Variants in RPS6KA5 observed in about 807,000 individuals in gnomAD.
RPS6KA5 encodes ribosomal protein S6 kinase A5.
In RPS6KA5, 27 loss-of-function variants were observed where a neutral mutation model predicts 85.5. The ratio of observed to expected loss-of-function variants is 0.32; its 90% confidence interval spans 0.23 to 0.44. The LOEUF (loss-of-function observed/expected upper bound fraction) is 0.44, where lower values mean the gene tolerates loss of function less well. Among genes scored for constraint, RPS6KA5 ranks in the 20% least tolerant of loss-of-function variants. RPS6KA5 has a pLI of 1.00. For missense variants in RPS6KA5, 811 were observed against 980.9 expected (o/e 0.83, Z 2.31); for synonymous variants, 334 against 348.2 (o/e 0.96, Z 0.46).
chr14:91,014,070 T>C (rs952551488), intron 1 of RPS6KA5, among the ~76,000 whole-genome samples: 1 of 152,230 alleles, frequency 6.6e-6, no homozygotes, highest in Non-Finnish European at 1.5e-5. Context: ...TTTCCAAATG[T>C]TGTGCATGAA....
At chr14:91,018,223 G>A (rs2041588119) in intron 1 of RPS6KA5, among the ~76,000 whole-genome samples, 1 of 152,184 alleles carries the variant, frequency 6.6e-6, no homozygotes, top group Non-Finnish European at 1.5e-5. Context: ...CAGAAATGGG[G>A]ACTATGGTTG....
chr14:90,858,959 C>T lies in RPS6KA5; in HGVS notation c.*13115G>A, dbSNP rs1355772011. Reference sequence around the variant, plus strand: ...TACAGTATCTCCTTGAGGTGTCTGCCAATTGCAGACTCCTGTGCAACAAGG... The same window carrying T: ...TACAGTATCTCCTTGAGGTGTCTGCTAATTGCAGACTCCTGTGCAACAAGG... On this transcript the variant is annotated 3_prime_UTR_variant, in exon 17 of 17. Coordinates refer to ENST00000614987, the MANE Select transcript of RPS6KA5 (RefSeq NM_004755.4). The T allele has an allele frequency of 1.3e-5, 2 of 152,092 alleles. No homozygotes were observed. Among genetic ancestry groups the T allele is most frequent in the African/African-American group, 4.8e-5 (2 of 41,386 alleles). 9.4% of individuals were successfully genotyped at this position (152,092 alleles called of 1,614,324 possible).
chr14:90,894,359 A>G (rs779119730), intron 13 of RPS6KA5, 54 bp downstream of exon 13: 1 of 1,441,202 alleles, frequency 6.9e-7, no homozygotes, highest in Non-Finnish European at 9.2e-7. Context: ...TGTTTGGGAG[A>G]TCTTTAATAA....
rs1025874102 is a variant in RPS6KA5 at position 90,852,891 on chromosome 14, G to C, written c.*19183C>G. 4 of 152,034 alleles carry C rather than the reference G, an allele frequency of 2.6e-5. No homozygotes were observed. Among genetic ancestry groups the C allele is most frequent in the Non-Finnish European group, 4.4e-5 (3 of 68,194 alleles). The allele number at this position is 152,034 out of a possible 1,614,324, so 9.4% of individuals were successfully genotyped here. On this transcript the variant is annotated 3_prime_UTR_variant, in exon 17 of 17. Coordinates refer to ENST00000614987, the MANE Select transcript of RPS6KA5 (RefSeq NM_004755.4). ...ACTACAGGCGCCTGCCACCACGCCC[G>C]GCTAATTTTTGTTGTATTTTTAGTA...
At chr14:91,037,203 CCAA>C (rs1381499410) in intron 1 of RPS6KA5, among the ~76,000 whole-genome samples, 1 of 152,142 alleles carries the variant, frequency 6.6e-6, no homozygotes, top group African/African-American at 2.4e-5. Context: ...CAACCACAGC[CCAA>C]CAACAGCAAG....
At chr14:90,891,964 T>C (rs1210204845) in intron 13 of RPS6KA5, among the ~76,000 whole-genome samples, 1 of 151,602 alleles carries the variant, frequency 6.6e-6, no homozygotes. Flanking sequence ...TTATTCTATA[T>C]TAAGATTGGA....
At chr14:90,880,617 G>A (rs939610072) in intron 14 of RPS6KA5, among the ~76,000 whole-genome samples, 11 of 151,914 alleles carry the variant, frequency 7.2e-5, no homozygotes, top group Non-Finnish European at 1.3e-4. Context: ...TCTTCTGGCC[G>A]GTTGTTTTAT....
chr14:90,900,139 G>T lies in RPS6KA5; in HGVS notation c.1348C>A (p.Gln450Lys). 1 of 1,601,652 alleles carries T rather than the reference G, an allele frequency of 6.2e-7. No homozygotes were observed. Among genetic ancestry groups the T allele is most frequent in the South Asian group, 1.1e-5 (1 of 88,432 alleles). ...CTGATTATTTTGACTGCAAAAGCTT[G>T]GTTACTTTTTTTATGCACACACTTT... is the stretch of plus-strand genomic sequence containing the variant. ...CRKCVHKKSN[Q>K]AFAVKIISKR... Residue 450 changes from glutamine (Q) to lysine (K), a missense_variant, in exon 11 of 17, where the codon CAA (glutamine) becomes AAA (lysine). This residue lies in a region of RPS6KA5 where 650 missense variants were observed against 793.4 expected (regional missense o/e 0.82). Transcript: ENST00000614987.
intron 5 of RPS6KA5, among the ~76,000 whole-genome samples, chr14:90,929,081 T>A (rs2036832020): frequency 6.6e-6 from 1 of 152,064 alleles, no homozygotes; most frequent in Non-Finnish European, 1.5e-5. Context: ...CATTATGTGG[T>A]TAAAGAGAAA....
chr14:90,924,239 A>T (rs1018805162), intron 5 of RPS6KA5, among the ~76,000 whole-genome samples: 1 of 152,076 alleles, frequency 6.6e-6, no homozygotes, highest in Non-Finnish European at 1.5e-5. Flanking sequence ...CCAGTTCTAA[A>T]CCTATATTTG....
chr14:90,954,757 AT>A (rs2038412752), intron 3 of RPS6KA5, among the ~76,000 whole-genome samples: 1 of 152,076 alleles, frequency 6.6e-6, no homozygotes. Context: ...CAATAGTTCA[AT>A]TTCTTTACTT....
chr14:90,949,664 C>T (rs772985008), intron 3 of RPS6KA5, among the ~76,000 whole-genome samples: 5 of 152,146 alleles, frequency 3.3e-5, no homozygotes, highest in Admixed American at 1.3e-4. Context: ...ACAAACAGGG[C>T]TTTGTAACTG....
intron 1 of RPS6KA5, among the ~76,000 whole-genome samples, chr14:91,011,279 A>T (rs1402041634): frequency 6.6e-6 from 1 of 152,106 alleles, no homozygotes; most frequent in Non-Finnish European, 1.5e-5. Flanking sequence ...CGAGGTCAAG[A>T]GATCGAGACC....
intron 1 of RPS6KA5, among the ~76,000 whole-genome samples, chr14:91,019,031 T>C (rs1339111031): frequency 6.6e-6 from 1 of 152,070 alleles, no homozygotes; most frequent in Non-Finnish European, 1.5e-5. Flanking sequence ...CACCCTCTTC[T>C]AGGGAAAAGG....
chr14:90,861,901 A>G lies in RPS6KA5; in HGVS notation c.*10173T>C, dbSNP rs2140113620. The G allele has an allele frequency of 6.6e-6, 1 of 152,146 alleles. No individual in the cohort carries two copies. The highest frequency in any genetic ancestry group is 1.5e-5 in the Non-Finnish European group (1 of 68,046). The allele number at this position is 152,146 out of a possible 1,614,324, so 9.4% of individuals were successfully genotyped here. On this transcript the variant is annotated 3_prime_UTR_variant, in exon 17 of 17. Coordinates refer to ENST00000614987, the MANE Select transcript of RPS6KA5 (RefSeq NM_004755.4). ...GACAAAGACTCCATCTCAAAAAAAA[A>G]AAAAAAAAAGGGGAAAACAGATTTA...
chr14:90,892,241 A>T (rs2034604487), intron 13 of RPS6KA5, among the ~76,000 whole-genome samples: 1 of 152,028 alleles, frequency 6.6e-6, no homozygotes, highest in Admixed American at 6.6e-5. Context: ...TCCTCAAGTG[A>T]TCCGCTTGCC....
rs1471794107 is a variant in RPS6KA5 at position 90,857,264 on chromosome 14, C to G, written c.*14810G>C. ...ATAATATTTTAACAGTGACATGTGCCCAGATTATATTTTTATCTTGGTAAC... is the reference window on the plus strand; with the variant it reads ...ATAATATTTTAACAGTGACATGTGCGCAGATTATATTTTTATCTTGGTAAC... On this transcript the variant is annotated 3_prime_UTR_variant, in exon 17 of 17. Coordinates refer to ENST00000614987, the MANE Select transcript of RPS6KA5 (RefSeq NM_004755.4). 6.6e-6 allele frequency: 1 copy of G among 152,062 alleles called. No homozygotes were observed. The highest frequency in any genetic ancestry group is 2.4e-5 in the African/African-American group (1 of 41,392). 9.4% of individuals were successfully genotyped at this position (152,062 alleles called of 1,614,324 possible).
At chr14:90,910,648 G>A (rs150291873) in intron 7 of RPS6KA5, among the ~76,000 whole-genome samples, 159 of 151,146 alleles carry the variant, frequency 1.1e-3, no homozygotes, top group African/African-American at 3.7e-3. Flanking sequence ...AGTAACAATA[G>A]GCGATGCTCA....
At chr14:91,028,523 ATT>A (rs34122342) in intron 1 of RPS6KA5, among the ~76,000 whole-genome samples, 1 of 144,380 alleles carries the variant, frequency 6.9e-6, no homozygotes, top group Non-Finnish European at 1.5e-5. Context: ...GCCTTAAATG[ATT>A]TTTTTTTTTT....
Sources: gnomAD v4.1 joint callset for allele counts (sites outside exome capture counted in the v4.1 genomes callset) on GRCh38, gnomAD v4.1.1 for gene constraint, gnomAD v4.1.1 regional missense constraint, MANE v1.5 for transcripts, NCBI Gene and HGNC (gene_info 2026-07-23, HGNC 2026-07-21) for gene names.